The following FAT2 variants were observed in gnomAD, a reference collection of about 807,000 sequenced individuals.
FAT2 encodes the protein protocadherin Fat 2.
In FAT2, 150 loss-of-function variants were observed where a neutral mutation model predicts 295.3. The observed-to-expected ratio is 0.51, with a 90% CI of 0.44 to 0.58. FAT2 has a LOEUF of 0.58. Among genes scored for constraint, FAT2 ranks in the 20% least tolerant of loss-of-function variants. The pLI is 0.00. For synonymous variants in FAT2, 2,026 were observed against 2,150.3 expected (o/e 0.94, Z 1.60); for missense variants, 4,868 against 5,442.7 (o/e 0.89, Z 3.32).
chr5:151,554,747 ATAG>A (rs1178649631), intron 4 of FAT2, 74 bp from the exon 5 acceptor site: 8 of 1,148,430 alleles, frequency 7.0e-6, no homozygotes, highest in African/African-American at 3.1e-5. Flanking sequence ...CAACCTGGAA[ATAG>A]TAGTCACTTT....
chr5:151,534,993 A>ATATATATATATATATATG (rs1218523714), intron 12 of FAT2, among the ~76,000 whole-genome samples: 1 of 139,636 alleles, frequency 7.2e-6, no homozygotes, highest in African/African-American at 2.6e-5. Context: ...ATATATATAT[A>ATATATATATATATATATG]TATGTATACA....
chr5:151,566,751 A>C lies in FAT2; in HGVS notation c.2181T>G (p.Ser727Arg). The change falls in exon 2 of 24, where the codon AGT (serine) becomes AGG (arginine). Residue 727 changes from serine to arginine, a missense_variant. By Grantham distance (110) the Ser-to-Arg change is moderately radical (BLOSUM62 -1). Around this residue, in one of 5 missense-constraint regions of FAT2, gnomAD observed 3,297 missense variants for 3,669.4 expected, o/e 0.90. Coordinates refer to ENST00000261800, the MANE Select transcript of FAT2 (RefSeq NM_001447.3). ...HFPQSIDVLE[S>R]VPINTPLARL... is the part of the protein sequence containing the mutation. ...GGGCCAAGGGGGTGTTGATAGGGAC[A>C]CTCTCAAGGACATCAATGGATTGGG... 2 of 1,614,040 alleles carry C rather than the reference A, an allele frequency of 1.2e-6. No individual in the cohort carries two copies. Among genetic ancestry groups the C allele is most frequent in the Non-Finnish European group, 1.7e-6 (2 of 1,179,998 alleles).
At position 151,505,753 on chromosome 5, in the gene FAT2, G is replaced by A. The variant is rs1022132958; in HGVS notation, c.12862C>T (p.Pro4288Ser). Residue 4288 changes from proline (P) to serine (S), a missense_variant, in exon 24 of 24, where the codon CCC (proline) becomes TCC (serine). This residue lies in a region of FAT2 where 492 missense variants were observed against 482.6 expected (regional missense o/e 1.02). Coordinates refer to ENST00000261800, the MANE Select transcript of FAT2 (RefSeq NM_001447.3). ...HSQFRQGGGG[P>S]CLADGGYKGV... ...TTGTAGCCCCCGTCTGCCAGGCAGGGCCCTCCCCCTCCCTGCCGGAACTGC... is the reference window on the plus strand; with the variant it reads ...TTGTAGCCCCCGTCTGCCAGGCAGGACCCTCCCCCTCCCTGCCGGAACTGC... The A allele has an allele frequency of 6.2e-7, 1 of 1,613,760 alleles. No individual in the cohort carries two copies. Among genetic ancestry groups the A allele is most frequent in the Non-Finnish European group, 8.5e-7 (1 of 1,179,750 alleles).
chr5:151,576,848 A>G (rs1422341812), intron 1 of FAT2, among the ~76,000 whole-genome samples: 2 of 152,174 alleles, frequency 1.3e-5, no homozygotes, highest in African/African-American at 4.8e-5. Context: ...GTGCACTTAC[A>G]CAAACCTAGG....
Position 151,545,468 on chromosome 5 carries a change from G to GA in FAT2, c.5658dup (p.Pro1887SerfsTer13). The GA allele has an allele frequency of 6.2e-7, 1 of 1,614,186 alleles. No homozygotes were observed. Among genetic ancestry groups the GA allele is most frequent in the Non-Finnish European group, 8.5e-7 (1 of 1,180,030 alleles). ...CGCACCATGAGAAGCTCCATGCCTG[G>GA]ATGGATAGGCCCGACTATTGCTACC... On this transcript the variant is annotated frameshift_variant, in exon 10 of 24. Transcript: ENST00000261800. LOFTEE classifies it high-confidence loss of function.
rs577093138 is a variant in FAT2 at position 151,515,860 on chromosome 5, C to A, written c.11463+1760G>T. ...CCATGATGACCCTTTTAAAATAGAT[C>A]ATTGCAATTATCTGCTCAAAACCTT... On this transcript the variant is annotated intron_variant, in intron 20 of 23. Transcript: ENST00000261800. 2.0e-4 allele frequency among the ~76,000 whole-genome samples: 30 copies of A among 152,326 alleles called. No homozygotes were observed. The East Asian group carries it at 5.8e-3, about 29-fold the overall frequency.
At position 151,543,494 on chromosome 5, in the gene FAT2, G is replaced by A. The variant is rs759347576; in HGVS notation, c.7633C>T (p.Arg2545Trp). The change falls in exon 10 of 24, where the codon CGG becomes TGG. Residue 2545 changes from arginine to tryptophan, a missense_variant. Arg to Trp is a moderately radical substitution (Grantham distance 101). Transcript: ENST00000261800. ...ATGACTCTCTCTGTTGAATTTTCCCGATCCAGTTTCTGCAGAGTGGCAATC... is the reference window on the plus strand; with the variant it reads ...ATGACTCTCTCTGTTGAATTTTCCCAATCCAGTTTCTGCAGAGTGGCAATC... ...GQIATLQKLD[R>W]ENSTERVIAI... 12 of 1,614,028 alleles carry A rather than the reference G, an allele frequency of 7.4e-6. No homozygotes were observed. Among genetic ancestry groups the A allele is most frequent in the African/African-American group, 1.3e-5 (1 of 74,912 alleles).
intron 21 of FAT2, chr5:151,511,927 A>C: frequency 1.8e-6 from 1 of 553,514 alleles, no homozygotes; most frequent in African/African-American, 1.9e-5. Context: ...TGAGGTCCCC[A>C]TTCATATCCT....
Position 151,531,385 on chromosome 5 carries a change from A to T in FAT2, c.9811+202T>A, listed in dbSNP as rs1754577365. 5.3e-5 allele frequency among the ~76,000 whole-genome samples: 8 copies of T among 152,112 alleles called. No individual in the cohort carries two copies. The highest frequency in any genetic ancestry group is 4.6e-4 in the Admixed American group (7 of 15,272). The stretch of plus-strand genomic sequence containing the variant: ...TGCGGACGTGGGAGGGTCCCGTTTA[A>T]GGGAGGCTCCCACATAAGCTGGCCC... On this transcript the variant is annotated intron_variant, in intron 14 of 23. Coordinates refer to ENST00000261800, the MANE Select transcript of FAT2 (RefSeq NM_001447.3). The surrounding 1 kb of genome is among the most constrained non-coding windows in gnomAD (Gnocchi z 5.7).
Position 151,544,132 on chromosome 5 carries a change from G to A in FAT2, c.6995C>T (p.Ser2332Phe). Residue 2332 changes from serine (S) to phenylalanine (F), a missense_variant, in exon 10 of 24, where the codon TCC (serine) becomes TTC (phenylalanine). By Grantham distance (155) the Ser-to-Phe change is radical. Transcript: ENST00000261800. The part of the protein sequence containing the change: ...FQINGSTGEM[S>F]TVQELDYEAQ... ...TTCATAATCCAGTTCTTGAACTGTG[G>A]ACATCTCCCCTGTGCTCCCATTGAT... The A allele has an allele frequency of 6.2e-7, 1 of 1,614,178 alleles. No individual in the cohort carries two copies. The highest frequency in any genetic ancestry group is 2.2e-5 in the East Asian group (1 of 44,878).
rs752981359 is a variant in FAT2 at position 151,517,636 on chromosome 5, G to A, written c.11447C>T (p.Ala3816Val). 5.0e-6 allele frequency: 8 copies of A among 1,614,130 alleles called. No homozygotes were observed. The highest frequency in any genetic ancestry group is 3.3e-5 in the South Asian group (3 of 91,068). Residue 3816 changes from alanine to valine, a missense_variant, in exon 20 of 24, where the codon GCG (alanine) becomes GTG (valine). By Grantham distance (64) the Ala-to-Val change is moderately conservative. Around this residue, in one of 5 missense-constraint regions of FAT2, gnomAD observed 1,046 missense variants for 1,210.1 expected, o/e 0.86. Coordinates refer to ENST00000261800, the MANE Select transcript of FAT2 (RefSeq NM_001447.3). ...GTGCCTTACCTTCAGGGAGACGGAC[G>A]CTGTTTCATTGGTGAATAGAAGAAT... is the stretch of plus-strand genomic sequence containing the variant. ...QAILLFTNET[A>V]SVSLKLASGV...
In FAT2 at chr5:151,505,067, A is replaced by G. The variant is rs760397956; in HGVS notation, c.*498T>C. 11 of 171,908 alleles carry G rather than the reference A, an allele frequency of 6.4e-5. No individual in the cohort carries two copies. Among genetic ancestry groups the G allele is most frequent in the Non-Finnish European group, 1.3e-4 (11 of 82,760 alleles). 10.6% of individuals were successfully genotyped at this position (171,908 alleles called of 1,614,324 possible). A position where few individuals can be genotyped will look rare whatever the true frequency, so the allele number is the denominator to read the frequency against. On this transcript the variant is annotated 3_prime_UTR_variant, in exon 24 of 24. Transcript: ENST00000261800. The stretch of plus-strand genomic sequence containing the variant: ...GACTGTGCCCGCTCCCCTGCTGCTC[A>G]CCTCTCAGCCCCTAGGAGGATGCCA...
chr5:151,549,559 A>G (rs2127619994), intron 8 of FAT2, 54 bp from the exon 9 acceptor site: 1 of 1,517,980 alleles, frequency 6.6e-7, no homozygotes, highest in African/African-American at 1.4e-5. Context: ...AGGAGGAGGC[A>G]GGGTTAGGGT....
chr5:151,511,133 A>G (rs1306838059), intron 21 of FAT2: 1 of 152,476 alleles, frequency 6.6e-6, no homozygotes, highest in Non-Finnish European at 1.5e-5. Flanking sequence ...GTGAGAGGTG[A>G]TGGGGGCTTG....
chr5:151,559,368 G>A (rs990080914), intron 3 of FAT2, among the ~76,000 whole-genome samples: 1 of 152,152 alleles, frequency 6.6e-6, no homozygotes, highest in Non-Finnish European at 1.5e-5. Context: ...ACACACTCCT[G>A]TAGGACAGGA....
In FAT2 at chr5:151,525,033, C is replaced by T. The variant is rs55775756; in HGVS notation, c.10506+735G>A. ...AAGCCCCTGGAGACAGGAATCATTCCCTCCTTACCCTCTGCTATGTTCCTA... is the reference window on the plus strand; with the variant it reads ...AAGCCCCTGGAGACAGGAATCATTCTCTCCTTACCCTCTGCTATGTTCCTA... On this transcript the variant is annotated intron_variant, in intron 18 of 23. Transcript: ENST00000261800. Among the ~76,000 whole-genome samples the T allele has an allele frequency of 5.4e-3, 822 of 152,302 alleles. 13 individuals are homozygous for T. Among genetic ancestry groups the T allele is most frequent in the African/African-American group, 0.019 (784 of 41,554 alleles).
chr5:151,546,479 G>C (rs1756645922), intron 9 of FAT2, 142 bp from the exon 10 acceptor site: 2 of 600,148 alleles, frequency 3.3e-6, no homozygotes, highest in Non-Finnish European at 5.9e-6. Context: ...TGGATATAGT[G>C]TATAGAGTAG....
At chr5:151,551,402 T>C in intron 7 of FAT2, 65 bp downstream of exon 7, 1 of 1,571,050 alleles carries the variant, frequency 6.4e-7, no homozygotes, top group Non-Finnish European at 8.7e-7. Flanking sequence ...CTCTGTAGCC[T>C]CATCCCAACC....
At chr5:151,509,883 C>T (rs1761185116) in intron 22 of FAT2, 138 bp downstream of exon 22, 1 of 1,000,506 alleles carries the variant, frequency 1.0e-6, no homozygotes, top group Non-Finnish European at 1.5e-6. Flanking sequence ...GGACCACTGC[C>T]CTAACAGATG....
Sources: gnomAD v4.1 joint callset for allele counts (sites outside exome capture counted in the v4.1 genomes callset) on GRCh38, gnomAD v4.1.1 for gene constraint, gnomAD v4.1.1 regional missense constraint, Gnocchi (gnomAD v3.1) non-coding constraint, MANE v1.5 for transcripts, NCBI Gene and HGNC (gene_info 2026-07-23, HGNC 2026-07-21) for gene names.